DLG2: variants seen among roughly 807,000 people sequenced by gnomAD.
The protein encoded by DLG2 is disks large homolog 2.
In DLG2, 45 loss-of-function variants were observed where a neutral mutation model predicts 132.5. The observed-to-expected ratio is 0.34, with a 90% CI of 0.27 to 0.44. DLG2 has a LOEUF of 0.44. Among genes scored for constraint, DLG2 ranks in the 20% least tolerant of loss-of-function variants. DLG2 has a pLI of 1.00. For synonymous variants in DLG2, 424 were observed against 419.6 expected, an observed-to-expected ratio of 1.01 and a Z score of -0.13; for missense variants, 1,045 against 1,196.9, an observed-to-expected ratio of 0.87 and a Z score of 1.87.
chr11:84,278,516 T>C (rs1195950445), intron 7 of DLG2, among the ~76,000 whole-genome samples: 1 of 151,674 alleles, frequency 6.6e-6, no homozygotes, highest in Non-Finnish European at 1.5e-5. Context: ...CCAAACCAGA[T>C]GAAGATATTA....
intron 3 of DLG2, among the ~76,000 whole-genome samples, chr11:85,499,589 A>G (rs974982403): frequency 1.3e-5 from 2 of 152,202 alleles, no homozygotes; most frequent in African/African-American, 4.8e-5. Context: ...TCCCTAACTC[A>G]TTTCATGAGG....
In DLG2 at chr11:84,126,172, AT is replaced by A; in HGVS notation, c.625-27126del. On this transcript the variant is annotated intron_variant, in intron 9 of 27. Transcript: ENST00000376104. ...GGGTGGTTTGTGGAGTGAGACGATGATGAAGAAATGGAGGCAGCAAGAGAAA... is the reference window on the plus strand; with the variant it reads ...GGGTGGTTTGTGGAGTGAGACGATGAGAAGAAATGGAGGCAGCAAGAGAAA... 2.0e-5 allele frequency among the ~76,000 whole-genome samples: 3 copies of A among 152,322 alleles called. No homozygotes were observed. In the South Asian group the frequency reaches 6.2e-4, roughly 32 times the overall value.
At chr11:84,797,525 T>C (rs577332836) in intron 6 of DLG2, among the ~76,000 whole-genome samples, 1 of 152,320 alleles carries the variant, frequency 6.6e-6, no homozygotes, top group South Asian at 2.1e-4. Flanking sequence ...TGATGCATTC[T>C]TTAGTATGTC....
At chr11:83,605,060 ATCAGAAGGGGC>A (rs1225414871) in intron 19 of DLG2, among the ~76,000 whole-genome samples, 5 of 150,104 alleles carry the variant, frequency 3.3e-5, no homozygotes, top group Non-Finnish European at 5.9e-5. Context: ...ACAGCAACCA[ATCAGAAGGGGC>A]CCAGTTTAAC....
At chr11:83,536,667 C>T (rs927474493) in intron 20 of DLG2, among the ~76,000 whole-genome samples, 4 of 151,342 alleles carry the variant, frequency 2.6e-5, no homozygotes, top group African/African-American at 7.3e-5. Context: ...CTAAGCACTT[C>T]ACCTATAATA....
At chr11:83,995,542 A>G (rs1346799517) in intron 11 of DLG2, among the ~76,000 whole-genome samples, 1 of 152,256 alleles carries the variant, frequency 6.6e-6, no homozygotes, top group Non-Finnish European at 1.5e-5. Context: ...AAAGAACAAA[A>G]CTGGAAGAAT....
chr11:84,909,774 T>C (rs973741782), intron 6 of DLG2, among the ~76,000 whole-genome samples: 1 of 152,184 alleles, frequency 6.6e-6, no homozygotes, highest in African/African-American at 2.4e-5. Flanking sequence ...TATGTGCGTT[T>C]TTCCTCTGGA....
chr11:84,229,246 C>T (rs146070855), intron 8 of DLG2, among the ~76,000 whole-genome samples: 62 of 152,210 alleles, frequency 4.1e-4, no homozygotes, highest in African/African-American at 1.4e-3. Flanking sequence ...AGAGCGAACA[C>T]AGAGAAAGAA....
At chr11:84,285,415 C>T (rs1265391065) in intron 7 of DLG2, among the ~76,000 whole-genome samples, 1 of 152,172 alleles carries the variant, frequency 6.6e-6, no homozygotes, top group Admixed American at 6.5e-5. Context: ...CCCACAGGCC[C>T]TCTTCCATTA....
chr11:84,678,921 T>C (rs943400915), intron 6 of DLG2, among the ~76,000 whole-genome samples: 1 of 152,020 alleles, frequency 6.6e-6, no homozygotes, highest in African/African-American at 2.4e-5. Flanking sequence ...TTTGGAGTGT[T>C]AAACAAGATA....
At chr11:85,091,693 A>G (rs1382858056) in intron 6 of DLG2, among the ~76,000 whole-genome samples, 1 of 152,194 alleles carries the variant, frequency 6.6e-6, no homozygotes, top group African/African-American at 2.4e-5. Flanking sequence ...TCTCAAAAAA[A>G]CACTTTCTTT....
At chr11:83,568,980 A>G (rs2096754019) in intron 19 of DLG2, among the ~76,000 whole-genome samples, 1 of 152,200 alleles carries the variant, frequency 6.6e-6, no homozygotes, top group East Asian at 1.9e-4. Flanking sequence ...TTAATGAGAA[A>G]TCAAATCAGA....
intron 6 of DLG2, among the ~76,000 whole-genome samples, chr11:84,548,449 A>G (rs1592101834): frequency 7.9e-6 from 1 of 125,910 alleles, no homozygotes; most frequent in East Asian, 2.7e-4. Flanking sequence ...ACCCCACAAC[A>G]GGCCCCGGTG....
intron 7 of DLG2, among the ~76,000 whole-genome samples, chr11:84,519,815 A>G (rs1002775761): frequency 6.6e-6 from 1 of 152,238 alleles, no homozygotes; most frequent in Admixed American, 6.5e-5. Flanking sequence ...CATTCCATCC[A>G]GAAATTCCTA....
In DLG2 at chr11:84,597,687, C is replaced by T. The variant is rs184488176; in HGVS notation, c.358-62956G>A. ...ATGTAAATAAAGAAAAATCTATCTC[C>T]AAAAGCTTGCTTTGAACTTTATAAT... On this transcript the variant is annotated intron_variant, in intron 6 of 27. Coordinates refer to ENST00000376104, the MANE Select transcript of DLG2 (RefSeq NM_001142699.3). Among the ~76,000 whole-genome samples, 184 of 152,222 alleles carry T rather than the reference C, an allele frequency of 1.2e-3. 1 individual carries two copies. Among genetic ancestry groups the T allele is most frequent in the Non-Finnish European group, 2.1e-3 (146 of 68,004 alleles).
chr11:84,627,638 T>C (rs1314308128), intron 6 of DLG2, among the ~76,000 whole-genome samples: 1 of 152,216 alleles, frequency 6.6e-6, no homozygotes, highest in African/African-American at 2.4e-5. Context: ...TAGGCTATTC[T>C]TGCATTGCCA....
chr11:85,500,551 A>AAT (rs1555162836), intron 3 of DLG2, among the ~76,000 whole-genome samples: 1 of 128,284 alleles, frequency 7.8e-6, no homozygotes, highest in East Asian at 2.1e-4. Flanking sequence ...TAAAAAAAAT[A>AAT]AAAATAAAAT....
intron 18 of DLG2, among the ~76,000 whole-genome samples, chr11:83,737,366 C>T (rs1016975676): frequency 6.6e-6 from 1 of 151,784 alleles, no homozygotes; most frequent in African/African-American, 2.4e-5. Flanking sequence ...ATTAATCAGA[C>T]AAAAAAAGAT....
chr11:85,557,774 C>T (rs1404589823), intron 3 of DLG2, among the ~76,000 whole-genome samples: 2 of 151,806 alleles, frequency 1.3e-5, no homozygotes, highest in Admixed American at 1.3e-4. Flanking sequence ...TGAACCTAGA[C>T]CCCTACCTTT....
Sources: allele counts gnomAD v4.1 joint callset (sites outside exome capture counted in the v4.1 genomes callset), GRCh38; gene constraint gnomAD v4.1.1; transcripts MANE v1.5; gene names NCBI Gene and HGNC (gene_info 2026-07-23, HGNC 2026-07-21).